The following FRMPD2 variants were observed in gnomAD, a reference collection of about 807,000 sequenced individuals.
FRMPD2 encodes FERM and PDZ domain containing 2, also known as FERM and PDZ domain-containing protein 2.
FRMPD2 carries 96 observed loss-of-function variants against 140.1 expected under a neutral mutation model. The ratio of observed to expected loss-of-function variants is 0.69; its 90% CI spans 0.58 to 0.81. The LOEUF (loss-of-function observed/expected upper bound fraction) is 0.81, where lower values mean the gene tolerates loss of function less well. Among genes scored for constraint, FRMPD2 ranks in the 40% least tolerant of loss-of-function variants. The pLI is 0.00. For missense variants in FRMPD2, 1,240 were observed against 1,447.4 expected, an observed-to-expected ratio of 0.86 and a Z score of 2.32; for synonymous variants, 449 against 547.6, an observed-to-expected ratio of 0.82 and a Z score of 2.52.
intron 15 of FRMPD2, among the ~76,000 whole-genome samples, chr10:48,197,886 T>C (rs949750421): frequency 6.6e-6 from 1 of 152,196 alleles, no homozygotes; most frequent in African/African-American, 2.4e-5. Context: ...GCCAGCACAT[T>C]ACTTAACTTT....
intron 12 of FRMPD2, among the ~76,000 whole-genome samples, chr10:48,221,102 G>T (rs1588837957): frequency 6.6e-6 from 1 of 152,246 alleles, no homozygotes; most frequent in East Asian, 1.9e-4. Context: ...TCTACCCAGA[G>T]GAAAAGAAGT....
intron 20 of FRMPD2, among the ~76,000 whole-genome samples, chr10:48,183,062 A>G (rs1014096756): frequency 1.3e-5 from 2 of 152,192 alleles, no homozygotes; most frequent in Non-Finnish European, 1.5e-5. Context: ...TCCACCACCC[A>G]TAGCTTCTGG....
intron 1 of FRMPD2, among the ~76,000 whole-genome samples, chr10:48,270,528 G>A (rs1241440925): frequency 1.3e-5 from 2 of 152,092 alleles, no homozygotes; most frequent in Non-Finnish European, 2.9e-5. Flanking sequence ...GTTTCTCTCT[G>A]CCCTGGCTCC....
At chr10:48,243,937 C>A (rs931855376) in intron 4 of FRMPD2, among the ~76,000 whole-genome samples, 7 of 152,312 alleles carry the variant, frequency 4.6e-5, no homozygotes, top group African/African-American at 1.7e-4. Context: ...ACAAACACTT[C>A]TATTCTGTAG....
chr10:48,177,918 T>A (rs1385819134), intron 22 of FRMPD2, 129 bp downstream of exon 22: 3 of 603,954 alleles, frequency 5.0e-6, no homozygotes, highest in Admixed American at 2.5e-5. Context: ...CCCACTGGCT[T>A]TTTTATTTAC....
intron 10 of FRMPD2, among the ~76,000 whole-genome samples, chr10:48,224,049 G>C (rs1240375554): frequency 6.6e-6 from 1 of 152,284 alleles, no homozygotes; most frequent in East Asian, 1.9e-4. Context: ...CTAAGGCATG[G>C]TGTAAGTGGA....
intron 3 of FRMPD2, among the ~76,000 whole-genome samples, chr10:48,245,522 C>T (rs1281850377): frequency 1.3e-5 from 2 of 152,146 alleles, no homozygotes; most frequent in Non-Finnish European, 2.9e-5. Context: ...GAGTATTCTG[C>T]CTGAATTCTA....
chr10:48,230,340 T>A (rs572539353), intron 10 of FRMPD2, among the ~76,000 whole-genome samples: 1 of 152,202 alleles, frequency 6.6e-6, no homozygotes, highest in African/African-American at 2.4e-5. Flanking sequence ...ATACTTAAAA[T>A]TGGTTATATT....
At chr10:48,164,079 C>G (rs1838027997) in intron 27 of FRMPD2, among the ~76,000 whole-genome samples, 1 of 150,610 alleles carries the variant, frequency 6.6e-6, no homozygotes, top group African/African-American at 2.5e-5. Context: ...ATGTTCTTTC[C>G]TGGGTCTCCT....
At chr10:48,205,941 G>C (rs11101262) in intron 14 of FRMPD2, among the ~76,000 whole-genome samples, 51,224 of 152,046 alleles carry the variant, frequency 0.34, 10,399 homozygotes, top group African/African-American at 0.57. Context: ...AAATAGTGAT[G>C]TAATTAGAAA....
intron 3 of FRMPD2, among the ~76,000 whole-genome samples, chr10:48,245,571 T>C (rs932446528): frequency 6.6e-6 from 1 of 152,228 alleles, no homozygotes; most frequent in African/African-American, 2.4e-5. Context: ...GTGGTAATAT[T>C]AACTATTATT....
chr10:48,214,960 G>GA (rs1397187048), intron 12 of FRMPD2, among the ~76,000 whole-genome samples: 1 of 152,208 alleles, frequency 6.6e-6, no homozygotes, highest in Admixed American at 6.5e-5. Context: ...TCACAACTGT[G>GA]TAAAAACCCC....
At position 48,244,793 on chromosome 10, in the gene FRMPD2, C is replaced by T. The variant is rs373213971; in HGVS notation, c.366G>A (p.Pro122=). The T allele has an allele frequency of 5.6e-6, 9 of 1,612,710 alleles. No individual in the cohort carries two copies. The highest frequency in any genetic ancestry group is 1.6e-4 in the Middle Eastern group (1 of 6,062). ...TLYWSAGFHV[P]PHQPLQLCEP... ...TATCTTGTTTACAAACCTGATGTGG[C>T]GGAACATGAAACCCTGCTGACCAGT... Residue 122 remains proline, a synonymous_variant, in exon 4 of 29, where the codon CCG becomes CCA. Coordinates refer to ENST00000374201, the MANE Select transcript of FRMPD2 (RefSeq NM_001018071.4).
intron 16 of FRMPD2, 68 bp from the exon 17 acceptor site, chr10:48,187,360 T>A: frequency 1.4e-6 from 2 of 1,424,048 alleles, no homozygotes; most frequent in Non-Finnish European, 2.0e-6. Flanking sequence ...TTAGATAAGG[T>A]GGCTCAGGGA....
At position 48,259,635 on chromosome 10, in the gene FRMPD2, AGTGTGTGT is replaced by A. The variant is rs144847579; in HGVS notation, c.26-7952_26-7945del. On this transcript the variant is annotated intron_variant, in intron 1 of 28. Coordinates refer to ENST00000374201, the MANE Select transcript of FRMPD2 (RefSeq NM_001018071.4). ...AGTAGTACATGAATGTGTGTGTGTA[AGTGTGTGT>A]GTGTGTGTGTGTGTGAGTATACACA... is the stretch of plus-strand genomic sequence containing the variant. Among the ~76,000 whole-genome samples the A allele has an allele frequency of 1.7e-3, 248 of 148,500 alleles. 1 individual carries two copies. Among genetic ancestry groups the A allele is most frequent in the African/African-American group, 5.2e-3 (213 of 40,794 alleles).
intron 11 of FRMPD2, 104 bp from the exon 12 acceptor site, chr10:48,222,555 A>G: frequency 8.6e-7 from 1 of 1,163,646 alleles, no homozygotes; most frequent in African/African-American, 1.5e-5. Context: ...AGTAGGGAAG[A>G]CGAGATGCAA....
intron 17 of FRMPD2, among the ~76,000 whole-genome samples, chr10:48,186,692 G>T (rs996438886): frequency 6.6e-6 from 1 of 152,154 alleles, no homozygotes; most frequent in African/African-American, 2.4e-5. Flanking sequence ...TATCAGCAGC[G>T]TGAAAACGCA....
At chr10:48,199,116 G>T (rs1258353367) in intron 15 of FRMPD2, among the ~76,000 whole-genome samples, 1 of 152,162 alleles carries the variant, frequency 6.6e-6, no homozygotes, top group African/African-American at 2.4e-5. Context: ...AGATGGGTTA[G>T]AAAACTACCT....
intron 28 of FRMPD2, among the ~76,000 whole-genome samples, chr10:48,160,976 G>A (rs1837923694): frequency 6.9e-6 from 1 of 144,884 alleles, no homozygotes; most frequent in Admixed American, 6.9e-5. Flanking sequence ...AGGTTCCTAA[G>A]TGAGGGAGGG....
Sources: gnomAD v4.1 joint callset for allele counts (sites outside exome capture counted in the v4.1 genomes callset) on GRCh38, gnomAD v4.1.1 for gene constraint, MANE v1.5 for transcripts, NCBI Gene and HGNC (gene_info 2026-07-23, HGNC 2026-07-21) for gene names.